Variants in NME9 observed in about 807,000 individuals in gnomAD.
The protein encoded by NME9 is NME/NM23 family member 9, also known as thioredoxin domain-containing protein 6.
In NME9, 48 loss-of-function variants were observed where a neutral mutation model predicts 44.4. The ratio of observed to expected loss-of-function variants is 1.08; its 90% CI spans 0.86 to 1.37. The LOEUF (loss-of-function observed/expected upper bound fraction) is 1.37, where lower values mean the gene tolerates loss of function less well. Ranked by LOEUF, NME9 falls within the 40% of genes most tolerant of loss-of-function variation. The probability of loss-of-function intolerance (pLI) is 0.00; values close to 1 mark genes in which losing one functional copy is unlikely to be tolerated. For missense variants in NME9, 325 were observed against 405.2 expected (o/e 0.80, Z 1.70); for synonymous variants, 139 against 147.1 (o/e 0.94, Z 0.40).
downstream of NME9, among the ~76,000 whole-genome samples, chr3:138,298,791 A>G (rs2051694081): frequency 6.6e-6 from 1 of 152,246 alleles, no homozygotes; most frequent in African/African-American, 2.4e-5. Flanking sequence ...TCTACTACGC[A>G]CTGCCACCTT....
chr3:138,272,918 A>C, intron 8 of NME9: 1 of 1,349,334 alleles, frequency 7.4e-7, no homozygotes, highest in Non-Finnish European at 9.7e-7. Flanking sequence ...AATATAATTT[A>C]ATAAAGTAAA....
chr3:138,315,847 T>C (rs2053040719), intron 4 of NME9, among the ~76,000 whole-genome samples: 1 of 151,900 alleles, frequency 6.6e-6, no homozygotes, highest in Admixed American at 6.6e-5. Context: ...TGTTTGTTTG[T>C]TCGAGACGGA....
chr3:138,284,578 T>C, intron 8 of NME9: 1 of 1,305,222 alleles, frequency 7.7e-7, no homozygotes, highest in South Asian at 1.2e-5. Flanking sequence ...GACTGTTGCA[T>C]TTTTAACTCA....
intron 8 of NME9, among the ~76,000 whole-genome samples, chr3:138,287,243 G>A (rs1012018025): frequency 5.3e-5 from 8 of 152,134 alleles, no homozygotes; most frequent in African/African-American, 1.9e-4. Flanking sequence ...CCTACAAGTT[G>A]GCACAATTTG....
chr3:138,322,175 A>G (rs192183435), intron 2 of NME9, among the ~76,000 whole-genome samples: 1 of 152,170 alleles, frequency 6.6e-6, no homozygotes, highest in East Asian at 1.9e-4. Flanking sequence ...GGCCCTGTAC[A>G]CAGGCCCGCT....
At position 138,318,213 on chromosome 3, in the gene NME9, C is replaced by T. The variant is rs766000842; in HGVS notation, c.202G>A (p.Ala68Thr). ...LDLLHFALAE[A>T]DRLDVLEKYR... ...TTTTCGAGGACATCAAGACGATCTGCCTCTGCCTAAAGAAAGCCACTATCA... is the reference window on the plus strand; with the variant it reads ...TTTTCGAGGACATCAAGACGATCTGTCTCTGCCTAAAGAAAGCCACTATCA... Residue 68 changes from alanine (A) to threonine (T), a missense_variant, in exon 4 of 11, where the codon GCA becomes ACA. Physicochemically the swap from Ala to Thr is moderately conservative, Grantham distance 58 (BLOSUM62 0). Coordinates refer to ENST00000333911, the MANE Select transcript of NME9 (RefSeq NM_001349018.2). 1 of 1,611,010 alleles carries T rather than the reference C, an allele frequency of 6.2e-7. No individual in the cohort carries two copies. The highest frequency in any genetic ancestry group is 8.5e-7 in the Non-Finnish European group (1 of 1,177,276).
chr3:138,267,213 T>A, intron 8 of NME9: 1 of 1,579,420 alleles, frequency 6.3e-7, no homozygotes, highest in Non-Finnish European at 8.6e-7. Flanking sequence ...CTGTGTAATC[T>A]TCTTCTTGAA....
intron 8 of NME9, among the ~76,000 whole-genome samples, chr3:138,287,179 A>T: frequency 6.6e-6 from 1 of 152,210 alleles, no homozygotes; most frequent in East Asian, 1.9e-4. Context: ...CACTGTTTAA[A>T]TCTTTCAGGG....
At chr3:138,264,716 C>T (rs952713851) in intron 8 of NME9, among the ~76,000 whole-genome samples, 5 of 151,266 alleles carry the variant, frequency 3.3e-5, no homozygotes, top group Admixed American at 6.6e-5. Flanking sequence ...CTGCGCCCAG[C>T]CAGGCCTGAT....
chr3:138,308,945 GAA>G (rs1002890235), intron 6 of NME9, among the ~76,000 whole-genome samples: 658 of 52,878 alleles, frequency 0.012, 3 homozygotes, highest in African/African-American at 0.027. Context: ...AATACTGAAA[GAA>G]AAAAAAAAAA....
intron 8 of NME9, chr3:138,263,402 A>G (rs899822556): frequency 4.0e-5 from 10 of 250,488 alleles, no homozygotes; most frequent in South Asian, 2.8e-4. Flanking sequence ...AACCTGCCCA[A>G]TGAGAGTTCA....
intron 8 of NME9, among the ~76,000 whole-genome samples, chr3:138,286,755 T>C (rs938607560): frequency 6.6e-6 from 1 of 152,320 alleles, no homozygotes; most frequent in East Asian, 1.9e-4. Context: ...TAGGAGAATC[T>C]CATCCACCCC....
chr3:138,306,103 AATAT>A lies in NME9; in HGVS notation c.544-11_544-8del. 1 of 1,550,706 alleles carries A rather than the reference AATAT, an allele frequency of 6.4e-7. No homozygotes were observed. Among genetic ancestry groups the A allele is most frequent in the Non-Finnish European group, 8.9e-7 (1 of 1,123,844 alleles). ...CAAACCCAGCTTCCTGAATCTGTAG[AATAT>A]ATATAAATATTCTAAAAGGGTAAAT... is the stretch of plus-strand genomic sequence containing the variant. On this transcript the variant is annotated splice_region_variant and splice_polypyrimidine_tract_variant and intron_variant, in intron 7 of 10. Coordinates refer to ENST00000333911, the MANE Select transcript of NME9 (RefSeq NM_001349018.2).
At chr3:138,274,364 CAT>C (rs2108312673) in intron 8 of NME9, 1 of 831,614 alleles carries the variant, frequency 1.2e-6, no homozygotes, top group South Asian at 1.5e-5. Context: ...AGTTGTGAAT[CAT>C]ATTGTTTTAA....
chr3:138,305,866 T>A (rs376279799), intron 8 of NME9, 138 bp downstream of exon 8: 22 of 680,390 alleles, frequency 3.2e-5, no homozygotes, highest in African/African-American at 1.8e-4. Flanking sequence ...ATTCTGAGAA[T>A]AAATTCATGA....
chr3:138,318,057 C>T, intron 4 of NME9, 91 bp downstream of exon 4: 1 of 852,860 alleles, frequency 1.2e-6, no homozygotes, highest in Non-Finnish European at 2.0e-6. Flanking sequence ...ATTAATTCTC[C>T]AAGAGTGAAT....
chr3:138,274,645 C>A, intron 8 of NME9: 1 of 818,402 alleles, frequency 1.2e-6, no homozygotes. Context: ...AGACAGAGTG[C>A]TGAGATGGGA....
chr3:138,304,806 A>C (rs2052111960), intron 9 of NME9, 67 bp downstream of exon 9: 2 of 1,474,258 alleles, frequency 1.4e-6, no homozygotes, highest in Admixed American at 1.7e-5. Context: ...CTGAACACTG[A>C]GTGGGACTCA....
chr3:138,313,851 C>G (rs2052874063), intron 6 of NME9, among the ~76,000 whole-genome samples: 2 of 152,014 alleles, frequency 1.3e-5, no homozygotes, highest in Non-Finnish European at 1.5e-5. Flanking sequence ...TATGTGGGAA[C>G]TTAAAAAATG....
Sources: gnomAD v4.1 joint callset for allele counts (sites outside exome capture counted in the v4.1 genomes callset) on GRCh38, gnomAD v4.1.1 for gene constraint, MANE v1.5 for transcripts, NCBI Gene and HGNC (gene_info 2026-07-23, HGNC 2026-07-21) for gene names.